The following ZNRF1 variants were observed in gnomAD, a reference collection of about 807,000 sequenced individuals.
ZNRF1 encodes the protein zinc and ring finger 1.
Under a neutral mutation model 18.4 loss-of-function variants are expected in ZNRF1, and 3 were observed. That is an observed-to-expected ratio of 0.16 (90% CI 0.07 to 0.42). ZNRF1 has a LOEUF of 0.42. Among genes scored for constraint, ZNRF1 ranks in the 10% least tolerant of loss-of-function variants. The pLI is 0.99. For missense variants in ZNRF1, 310 were observed against 329.8 expected, an observed-to-expected ratio of 0.94 and a Z score of 0.47; for synonymous variants, 157 against 144.2, an observed-to-expected ratio of 1.09 and a Z score of -0.64.
chr16:75,099,409 G>T (rs757148759), intron 2 of ZNRF1, among the ~76,000 whole-genome samples: 17 of 152,102 alleles, frequency 1.1e-4, no homozygotes, highest in Non-Finnish European at 2.1e-4. Flanking sequence ...CCCATCACAG[G>T]CATCATCCCT....
At chr16:75,071,078 A>C (rs1036895331) in intron 1 of ZNRF1, among the ~76,000 whole-genome samples, 1 of 148,212 alleles carries the variant, frequency 6.7e-6, no homozygotes, top group Admixed American at 6.9e-5. Flanking sequence ...GCTGAAAACT[A>C]GAAGGTCAGG....
chr16:75,081,996 T>C (rs950898334), intron 1 of ZNRF1, among the ~76,000 whole-genome samples: 2 of 152,192 alleles, frequency 1.3e-5, no homozygotes, highest in Admixed American at 6.5e-5. Context: ...TAGACAGTAG[T>C]TGGGGACTTG....
chr16:75,051,505 A>G (rs1399685946), intron 1 of ZNRF1, among the ~76,000 whole-genome samples: 1 of 150,710 alleles, frequency 6.6e-6, no homozygotes, highest in Non-Finnish European at 1.5e-5. Context: ...CACCGCATCC[A>G]GCCTGCATCT....
At chr16:75,033,354 A>G (rs1274704466) in intron 1 of ZNRF1, among the ~76,000 whole-genome samples, 3 of 151,796 alleles carry the variant, frequency 2.0e-5, no homozygotes, top group African/African-American at 7.2e-5. Context: ...CATCTTAACA[A>G]TATTGCAACT....
intron 1 of ZNRF1, among the ~76,000 whole-genome samples, chr16:75,032,284 A>AT (rs1299750872): frequency 7.5e-6 from 1 of 133,530 alleles, no homozygotes; most frequent in African/African-American, 2.5e-5. Flanking sequence ...TAAGTTTTGT[A>AT]TTTTTGTAGA....
At chr16:75,017,981 A>G (rs890035736) in intron 1 of ZNRF1, among the ~76,000 whole-genome samples, 13 of 152,170 alleles carry the variant, frequency 8.5e-5, no homozygotes, top group African/African-American at 2.9e-4. Flanking sequence ...TGGTTTTGGA[A>G]GCTTGGGCAA....
intron 1 of ZNRF1, among the ~76,000 whole-genome samples, chr16:75,063,244 G>A (rs117979227): frequency 0.014 from 2,089 of 152,250 alleles, 23 homozygotes; most frequent in Middle Eastern, 0.031. Context: ...GCTCACAGCC[G>A]GACTCTGGAA....
chr16:75,000,363 T>C, intron 1 of ZNRF1: 1 of 646,970 alleles, frequency 1.5e-6, no homozygotes, highest in Non-Finnish European at 2.9e-6. Context: ...GTTCCATTTA[T>C]TGGCATCACC....
chr16:75,074,087 T>C (rs148818832), intron 1 of ZNRF1, among the ~76,000 whole-genome samples: 1 of 152,228 alleles, frequency 6.6e-6, no homozygotes, highest in African/African-American at 2.4e-5. Context: ...TTTTTTCACT[T>C]GGAATGATTG....
intron 1 of ZNRF1, among the ~76,000 whole-genome samples, chr16:75,002,056 C>G (rs1276667054): frequency 6.6e-6 from 1 of 152,194 alleles, no homozygotes; most frequent in East Asian, 1.9e-4. Flanking sequence ...TTCTGCAAGA[C>G]ATCGAGCATA....
intron 4 of ZNRF1, chr16:75,107,486 T>C: frequency 3.0e-6 from 1 of 329,650 alleles, no homozygotes; most frequent in South Asian, 2.2e-5. Flanking sequence ...ATCAGGGACA[T>C]TTGCTCTTTT....
rs574578194 is a variant in ZNRF1, at chr16:75,016,833, C to T, written c.424+16738C>T. 7.3e-3 allele frequency among the ~76,000 whole-genome samples: 349 copies of T among 47,688 alleles called. 1 individual carries two copies. Among genetic ancestry groups the T allele is most frequent in the Non-Finnish European group, 0.025 (233 of 9,362 alleles). The allele number at this position is 47,688 out of a possible 152,430, so 31.3% of individuals were successfully genotyped here. ...GTGCTGGGATTACAGGCGTGAGCCA[C>T]CGCGGCCGGCCTACTGTTTTATTTA... On this transcript the variant is annotated intron_variant, in intron 1 of 4. Transcript: ENST00000335325.
At chr16:75,090,095 G>T (rs1407224130) in intron 1 of ZNRF1, among the ~76,000 whole-genome samples, 2 of 152,164 alleles carry the variant, frequency 1.3e-5, no homozygotes, top group Non-Finnish European at 2.9e-5. Context: ...TTAAAGTGCA[G>T]GTGTCCTTTA....
chr16:75,086,433 G>A (rs1206050521), intron 1 of ZNRF1, among the ~76,000 whole-genome samples: 1 of 152,192 alleles, frequency 6.6e-6, no homozygotes, highest in East Asian at 1.9e-4. Context: ...GCAAAAGCCA[G>A]AATTCCTGGG....
At chr16:75,010,316 T>C (rs1193195075) in intron 1 of ZNRF1, among the ~76,000 whole-genome samples, 2 of 152,154 alleles carry the variant, frequency 1.3e-5, no homozygotes, top group African/African-American at 2.4e-5. Flanking sequence ...TTGATTTTAG[T>C]GCAGTTTTAA....
chr16:75,106,432 C>T, intron 3 of ZNRF1, 50 bp from the exon 4 acceptor site: 5 of 1,608,098 alleles, frequency 3.1e-6, no homozygotes, highest in Non-Finnish European at 3.4e-6. Flanking sequence ...CCCTTCAAAG[C>T]AGCCTGGGCA....
At chr16:75,014,758 G>A (rs1208582905) in intron 1 of ZNRF1, among the ~76,000 whole-genome samples, 1 of 151,952 alleles carries the variant, frequency 6.6e-6, no homozygotes, top group African/African-American at 2.4e-5. Context: ...TTACACTCCT[G>A]AAATAACATA....
intron 1 of ZNRF1, among the ~76,000 whole-genome samples, chr16:75,070,709 C>A (rs2035860187): frequency 6.6e-6 from 1 of 152,122 alleles, no homozygotes; most frequent in African/African-American, 2.4e-5. Context: ...GGAGGTACTG[C>A]TTTCCTGACT....
intron 1 of ZNRF1, among the ~76,000 whole-genome samples, chr16:75,049,625 C>T (rs534521447): frequency 3.9e-5 from 6 of 152,264 alleles, no homozygotes; most frequent in South Asian, 2.1e-4. Context: ...GGCGAAACTC[C>T]GTCTCTACAA....
Sources: gnomAD v4.1 joint callset for allele counts (sites outside exome capture counted in the v4.1 genomes callset) on GRCh38, gnomAD v4.1.1 for gene constraint, MANE v1.5 for transcripts, NCBI Gene and HGNC (gene_info 2026-07-23, HGNC 2026-07-21) for gene names.